CAST: variants seen among roughly 807,000 people sequenced by gnomAD.
The protein encoded by CAST is MIR583 host.
In CAST, 76 loss-of-function variants were observed where a neutral mutation model predicts 119.6. The observed-to-expected ratio is 0.64, with a 90% CI of 0.53 to 0.77. The LOEUF (loss-of-function observed/expected upper bound fraction) is 0.77. Among genes scored for constraint, CAST ranks in the 30% least tolerant of loss-of-function variants. CAST has a pLI of 0.00. For synonymous variants in CAST, 319 were observed against 331.6 expected (o/e 0.96, Z 0.41); for missense variants, 953 against 946.5 (o/e 1.01, Z -0.09).
chr5:96,004,472 T>C, the CAST span, among the ~76,000 whole-genome samples: 1 of 152,234 alleles, frequency 6.6e-6, no homozygotes, highest in Non-Finnish European at 1.5e-5. Context: ...AATAACATGA[T>C]ATTTTATTAT....
intron 2 of CAST, among the ~76,000 whole-genome samples, chr5:96,685,948 T>G (rs1752033224): frequency 6.6e-6 from 1 of 152,374 alleles, no homozygotes; most frequent in Admixed American, 6.5e-5. Context: ...TTTCTTTATT[T>G]CTTTTTTCTT....
At chr5:96,420,787 A>AAG in the CAST span, among the ~76,000 whole-genome samples, 51,724 of 143,308 alleles carry the variant, frequency 0.36, 9,046 homozygotes, top group East Asian at 0.45. Flanking sequence ...GAGAGAGAGA[A>AAG]AGAGAGAGAG....
the CAST span, among the ~76,000 whole-genome samples, chr5:96,257,858 G>T: frequency 6.6e-6 from 1 of 152,168 alleles, no homozygotes; most frequent in African/African-American, 2.4e-5. Context: ...CGCACAAGGC[G>T]CACTCTTTTT....
At chr5:96,737,751 T>C (rs959729942) in intron 10 of CAST, 98 bp from the exon 11 acceptor site, 1 of 619,434 alleles carries the variant, frequency 1.6e-6, no homozygotes, top group Non-Finnish European at 2.8e-6. Flanking sequence ...TTTTGGTGTT[T>C]GGTGGTTTTT....
At chr5:96,009,489 A>G in the CAST span, among the ~76,000 whole-genome samples, 1 of 152,262 alleles carries the variant, frequency 6.6e-6, no homozygotes, top group South Asian at 2.1e-4. Context: ...AATAATAGTC[A>G]TTCTACTGGT....
At chr5:96,281,507 TA>T in the CAST span, among the ~76,000 whole-genome samples, 1 of 152,182 alleles carries the variant, frequency 6.6e-6, no homozygotes, top group Non-Finnish European at 1.5e-5. Context: ...CAAGATAGTT[TA>T]TTTCTCTCTC....
chr5:96,288,607 AC>A, the CAST span, among the ~76,000 whole-genome samples: 1 of 152,182 alleles, frequency 6.6e-6, no homozygotes, highest in East Asian at 1.9e-4. Context: ...AACCTTAAAA[AC>A]ATTTTTATAT....
At chr5:96,750,222 A>T (rs1337158373) in intron 19 of CAST, among the ~76,000 whole-genome samples, 2 of 152,204 alleles carry the variant, frequency 1.3e-5, no homozygotes, top group African/African-American at 4.8e-5. Context: ...AATTGCTCAA[A>T]TGTATTGAGC....
chr5:96,710,854 G>A (rs779785025), intron 3 of CAST, among the ~76,000 whole-genome samples: 5 of 151,040 alleles, frequency 3.3e-5, no homozygotes, highest in Non-Finnish European at 7.4e-5. Context: ...TAGCCCTAAT[G>A]GGTCCACATC....
the CAST span, among the ~76,000 whole-genome samples, chr5:96,300,390 GT>G: frequency 6.6e-6 from 1 of 151,908 alleles, no homozygotes; most frequent in South Asian, 2.1e-4. Context: ...TATCACCTTC[GT>G]TGAAAATCAA....
the CAST span, among the ~76,000 whole-genome samples, chr5:96,511,303 C>G: frequency 1.3e-5 from 2 of 152,102 alleles, no homozygotes; most frequent in Non-Finnish European, 2.9e-5. Flanking sequence ...CGCCACCACG[C>G]CTGGCTAATT....
chr5:96,107,367 G>A, the CAST span, among the ~76,000 whole-genome samples: 2 of 152,094 alleles, frequency 1.3e-5, no homozygotes, highest in Admixed American at 1.3e-4. Context: ...GGTGCCAGTT[G>A]TTCCTTTCCA....
At chr5:96,014,253 A>G in the CAST span, among the ~76,000 whole-genome samples, 2 of 151,450 alleles carry the variant, frequency 1.3e-5, no homozygotes, top group Non-Finnish European at 2.9e-5. Context: ...ACTCTCTTCT[A>G]CTTCCACATC....
At chr5:96,661,420 A>G (rs763219917), upstream of CAST, among the ~76,000 whole-genome samples, 32 of 20,140 alleles carry the variant, frequency 1.6e-3, no homozygotes, top group Middle Eastern at 0.021. Context: ...GCCTCTCCAG[A>G]AAAAAAAAAA....
chr5:96,431,725 G>A, the CAST span, among the ~76,000 whole-genome samples: 1 of 152,158 alleles, frequency 6.6e-6, no homozygotes, highest in Non-Finnish European at 1.5e-5. Flanking sequence ...GAATTCCCCA[G>A]AGGGTTCGGT....
At chr5:96,507,821 G>T in the CAST span, among the ~76,000 whole-genome samples, 1 of 151,952 alleles carries the variant, frequency 6.6e-6, no homozygotes, top group African/African-American at 2.4e-5. Flanking sequence ...ATCTGAGTTT[G>T]TATCAAAATT....
At chr5:96,629,193 A>G (rs938492740) in intron 1 of CAST, among the ~76,000 whole-genome samples, 2 of 152,208 alleles carry the variant, frequency 1.3e-5, no homozygotes, top group African/African-American at 4.8e-5. Context: ...GGTTGATATA[A>G]AGCGAGTCCA....
At position 96,678,012 on chromosome 5, in the gene CAST, G is replaced by C. The variant is rs113998455; in HGVS notation, c.138+2411G>C. On this transcript the variant is annotated intron_variant, in intron 2 of 31. Transcript: ENST00000675179. ...GTCATTAATGAGATATTGTGTCCTG[G>C]AGACAGTTCAAGGAAACTGTCCCAC... Among the ~76,000 whole-genome samples the C allele has an allele frequency of 7.8e-3, 1,188 of 152,196 alleles. 9 individuals carry two copies. Among genetic ancestry groups the C allele is most frequent in the Admixed American group, 0.012 (187 of 15,286 alleles).
Position 96,569,189 on chromosome 5 carries a change from G to A in CAST, c.60+39309G>A, listed in dbSNP as rs1368824237. On this transcript the variant is annotated intron_variant, in intron 1 of 11. Coordinates refer to the CAST transcript ENST00000505143. ...TGAAGTAGACATTCAAAAAACATTCGTAATGTCCCAGCTCTTGGAAGAAAC... is the reference window on the plus strand; with the variant it reads ...TGAAGTAGACATTCAAAAAACATTCATAATGTCCCAGCTCTTGGAAGAAAC... 3.3e-5 allele frequency among the ~76,000 whole-genome samples: 5 copies of A among 152,124 alleles called. No individual in the cohort carries two copies. In the East Asian group the frequency reaches 5.8e-4, roughly 18 times the overall value.
Sources: allele counts gnomAD v4.1 joint callset (sites outside exome capture counted in the v4.1 genomes callset), GRCh38; gene constraint gnomAD v4.1.1; transcripts MANE v1.5; gene names NCBI Gene and HGNC (gene_info 2026-07-23, HGNC 2026-07-21).